The following HDAC9 variants were observed in gnomAD, a reference collection of about 807,000 sequenced individuals.
HDAC9 encodes the protein histone deacetylase 9, also known as MEF-2 interacting transcription repressor (MITR) protein.
Under a neutral mutation model 139.4 loss-of-function variants are expected in HDAC9, and 41 were observed. The ratio of observed to expected loss-of-function variants is 0.29; its 90% CI spans 0.23 to 0.38. The LOEUF (loss-of-function observed/expected upper bound fraction) is 0.38. Ranked by LOEUF, HDAC9 falls within the 10% of genes least tolerant of loss-of-function variation. The pLI, the probability that HDAC9 is intolerant of heterozygous loss-of-function variation, is 1.00. For missense variants in HDAC9, 1,147 were observed against 1,297.0 expected (o/e 0.88, Z 1.78); for synonymous variants, 517 against 476.2 (o/e 1.09, Z -1.12).
At chr7:18,295,330 T>G (rs1035577065) in intron 1 of HDAC9, among the ~76,000 whole-genome samples, 3 of 152,278 alleles carry the variant, frequency 2.0e-5, no homozygotes, top group South Asian at 2.1e-4. Context: ...ATTATCCATG[T>G]CAAATGCTAA....
At chr7:18,807,673 T>C (rs545228362) in intron 17 of HDAC9, among the ~76,000 whole-genome samples, 20 of 152,314 alleles carry the variant, frequency 1.3e-4, no homozygotes, top group African/African-American at 3.8e-4. Context: ...TTTGTTTTCT[T>C]ATTTGACCCA....
chr7:18,575,899 T>TA (rs1270584034), intron 2 of HDAC9, among the ~76,000 whole-genome samples: 4 of 152,216 alleles, frequency 2.6e-5, no homozygotes, highest in African/African-American at 9.6e-5. Context: ...CATGTTGTAC[T>TA]AAGCACTGAA....
chr7:18,088,273 A>G (rs2128055042), intron 1 of HDAC9, among the ~76,000 whole-genome samples: 1 of 152,334 alleles, frequency 6.6e-6, no homozygotes, highest in South Asian at 2.1e-4. Context: ...TCTACCAGAA[A>G]AGAAAGCGAA....
chr7:18,134,147 A>G (rs1473312137), intron 1 of HDAC9, among the ~76,000 whole-genome samples: 1 of 152,050 alleles, frequency 6.6e-6, no homozygotes, highest in Non-Finnish European at 1.5e-5. Flanking sequence ...TTGGCACCAT[A>G]GTGTTCTCAG....
chr7:18,267,287 T>C (rs965610308), intron 2 of HDAC9, among the ~76,000 whole-genome samples: 1 of 152,162 alleles, frequency 6.6e-6, no homozygotes, highest in African/African-American at 2.4e-5. Flanking sequence ...CATACTACTT[T>C]TTTTGTGGCG....
intron 25 of HDAC9, among the ~76,000 whole-genome samples, chr7:18,994,657 T>A (rs7788972): frequency 0.26 from 39,814 of 152,120 alleles, 5,465 homozygotes; most frequent in East Asian, 0.38. Flanking sequence ...CCTCCTATGG[T>A]TAAAATCTTT....
intron 23 of HDAC9, among the ~76,000 whole-genome samples, chr7:18,943,215 C>G (rs1782141403): frequency 6.6e-6 from 1 of 152,032 alleles, no homozygotes; most frequent in South Asian, 2.1e-4. Context: ...ACGAACTTCC[C>G]TTCAATGTTG....
intron 17 of HDAC9, among the ~76,000 whole-genome samples, chr7:18,822,198 T>C (rs1795026938): frequency 6.6e-6 from 1 of 152,158 alleles, no homozygotes. Flanking sequence ...AATATTTCAA[T>C]CTTCTAATCA....
chr7:18,452,070 G>C (rs1792921605), intron 1 of HDAC9, among the ~76,000 whole-genome samples: 1 of 152,168 alleles, frequency 6.6e-6, no homozygotes, highest in Non-Finnish European at 1.5e-5. Context: ...TCCGGAGTCA[G>C]CATTTGAACT....
At chr7:18,168,129 G>A (rs72591361) in intron 2 of HDAC9, among the ~76,000 whole-genome samples, 20,742 of 152,018 alleles carry the variant, frequency 0.14, 2,302 homozygotes, top group African/African-American at 0.31. Flanking sequence ...GCAGAAAATG[G>A]GAGTAAAATG....
At chr7:18,360,617 C>T (rs551468119) in intron 1 of HDAC9, among the ~76,000 whole-genome samples, 8 of 152,278 alleles carry the variant, frequency 5.3e-5, no homozygotes, top group African/African-American at 1.9e-4. Context: ...TCAATCTCAT[C>T]TCCTTTTTGA....
chr7:18,458,808 T>G, intron 1 of HDAC9: 1 of 1,491,022 alleles, frequency 6.7e-7, no homozygotes. Context: ...TGGAGGGTCC[T>G]TCCTTCTTCA....
At chr7:18,984,909 G>T (rs551074627) in intron 25 of HDAC9, among the ~76,000 whole-genome samples, 1 of 152,236 alleles carries the variant, frequency 6.6e-6, no homozygotes, top group South Asian at 2.1e-4. Flanking sequence ...GAGTTTGTGT[G>T]TGTGTGTATA....
intron 12 of HDAC9, among the ~76,000 whole-genome samples, chr7:18,680,135 G>T (rs775911530): frequency 2.2e-4 from 34 of 151,940 alleles, no homozygotes; most frequent in Non-Finnish European, 4.4e-4. Flanking sequence ...ATGAAAGTAT[G>T]GATATGTTTA....
At chr7:18,565,690 T>C (rs1003249730) in intron 2 of HDAC9, among the ~76,000 whole-genome samples, 5 of 152,174 alleles carry the variant, frequency 3.3e-5, no homozygotes, top group African/African-American at 9.7e-5. Flanking sequence ...CAAAGGTGCA[T>C]TTTGAAATAT....
chr7:18,374,577 C>A (rs1481451867), intron 1 of HDAC9, among the ~76,000 whole-genome samples: 1 of 151,280 alleles, frequency 6.6e-6, no homozygotes, highest in Non-Finnish European at 1.5e-5. Context: ...CATTTGGCTA[C>A]AACATTAAAA....
chr7:18,118,841 T>G (rs4721694), intron 1 of HDAC9, among the ~76,000 whole-genome samples: 30,931 of 152,154 alleles, frequency 0.2, 3,337 homozygotes, highest in South Asian at 0.35. Context: ...GCTGGACATC[T>G]GGGCTTTAAG....
intron 2 of HDAC9, among the ~76,000 whole-genome samples, chr7:18,246,807 C>G (rs779854882): frequency 7.2e-5 from 11 of 152,006 alleles, no homozygotes; most frequent in South Asian, 4.2e-4. Flanking sequence ...GGGTGAGAGG[C>G]AGATTGACTA....
chr7:18,692,660 G>C (rs182384483), intron 12 of HDAC9, among the ~76,000 whole-genome samples: 2 of 152,090 alleles, frequency 1.3e-5, no homozygotes, highest in East Asian at 3.9e-4. Flanking sequence ...AACTAATGGA[G>C]ATCTAGTTAG....
Sources: gnomAD v4.1 joint callset for allele counts (sites outside exome capture counted in the v4.1 genomes callset) on GRCh38, gnomAD v4.1.1 for gene constraint, MANE v1.5 for transcripts, NCBI Gene and HGNC (gene_info 2026-07-23, HGNC 2026-07-21) for gene names.